COL12A1: variants seen among roughly 807,000 people sequenced by gnomAD.
COL12A1 encodes the protein collagen alpha-1(XII) chain.
Under a neutral mutation model 349.7 loss-of-function variants are expected in COL12A1, and 114 were observed. The ratio of observed to expected loss-of-function variants is 0.33; its 90% CI spans 0.28 to 0.38. COL12A1 has a LOEUF of 0.38. COL12A1 is among the 10% of genes least tolerant of loss of function. The probability of loss-of-function intolerance (pLI) is 1.00; values close to 1 mark genes in which losing one functional copy is unlikely to be tolerated. For missense variants in COL12A1, 3,284 were observed against 3,756.9 expected (o/e 0.87, Z 3.29); for synonymous variants, 1,369 against 1,329.0 (o/e 1.03, Z -0.66).
At chr6:75,172,084 T>C (rs1268387154) in intron 13 of COL12A1, among the ~76,000 whole-genome samples, 1 of 152,246 alleles carries the variant, frequency 6.6e-6, no homozygotes, top group Non-Finnish European at 1.5e-5. Flanking sequence ...TTAAAATTTA[T>C]TTTACTAGCT....
intron 29 of COL12A1, 21 bp downstream of exon 29, chr6:75,138,427 A>G (rs751116742): frequency 1.5e-4 from 244 of 1,609,980 alleles, no homozygotes; most frequent in Non-Finnish European, 1.9e-4. Context: ...TCAATGTCCT[A>G]TTTGAAAGCT....
intron 49 of COL12A1, 98 bp from the exon 50 acceptor site, chr6:75,113,842 T>C (rs913878831): frequency 3.2e-6 from 3 of 937,024 alleles, no homozygotes; most frequent in African/African-American, 1.7e-5. Context: ...AGATACTCTT[T>C]TAAATCTTTG....
At chr6:75,171,000 C>T (rs1768603702) in intron 13 of COL12A1, among the ~76,000 whole-genome samples, 1 of 152,304 alleles carries the variant, frequency 6.6e-6, no homozygotes, top group South Asian at 2.1e-4. Context: ...AAAAATTTAA[C>T]AAGAAAACAT....
chr6:75,199,809 G>C (rs1292768136), intron 2 of COL12A1, among the ~76,000 whole-genome samples: 2 of 151,986 alleles, frequency 1.3e-5, no homozygotes, highest in African/African-American at 2.4e-5. Flanking sequence ...AGATAACATA[G>C]TATGAAAAAT....
chr6:75,126,492 C>A, intron 38 of COL12A1, 22 bp from the exon 39 acceptor site: 3 of 1,602,962 alleles, frequency 1.9e-6, no homozygotes, highest in East Asian at 4.5e-5. Context: ...CATTGACACA[C>A]ATTACTGACC....
Position 75,109,000 on chromosome 6 carries a change from T to G in COL12A1, c.8100+18A>C. ...TCTTAACACAAGGTACCAAGAGAAA[T>G]AAAAATGTGTTACTCACTGCGGCTG... On this transcript the variant is annotated intron_variant, in intron 52 of 65. Transcript: ENST00000322507. 6.2e-7 allele frequency: 1 copy of G among 1,602,230 alleles called. No individual in the cohort carries two copies.
chr6:75,101,236 A>G (rs1350164948), intron 58 of COL12A1, among the ~76,000 whole-genome samples: 1 of 152,230 alleles, frequency 6.6e-6, no homozygotes, highest in Non-Finnish European at 1.5e-5. Context: ...CCTCATGGTT[A>G]CAGAAAAGCT....
At chr6:75,107,171 C>T (rs561362934) in intron 52 of COL12A1, among the ~76,000 whole-genome samples, 4 of 151,926 alleles carry the variant, frequency 2.6e-5, no homozygotes, top group African/African-American at 7.3e-5. Context: ...GGACTACAGG[C>T]GTGAGCCATG....
At chr6:75,186,935 T>C (rs1769655213) in intron 8 of COL12A1, among the ~76,000 whole-genome samples, 1 of 151,508 alleles carries the variant, frequency 6.6e-6, no homozygotes, top group Non-Finnish European at 1.5e-5. Context: ...TATGGAGACA[T>C]AGAGGGAAAC....
At chr6:75,173,195 T>C (rs1186337269) in intron 13 of COL12A1, among the ~76,000 whole-genome samples, 3 of 152,180 alleles carry the variant, frequency 2.0e-5, no homozygotes, top group African/African-American at 7.2e-5. Context: ...CCCTTCTTTA[T>C]AGATGAATAA....
intron 43 of COL12A1, among the ~76,000 whole-genome samples, chr6:75,122,324 G>A (rs1765779886): frequency 6.6e-6 from 1 of 152,112 alleles, no homozygotes; most frequent in Non-Finnish European, 1.5e-5. Context: ...GCAAACTGTG[G>A]ACTTTGGGTG....
rs1064796670 is a variant in COL12A1 at position 75,177,921 on chromosome 6, G to C, written c.2179C>G (p.Arg727Gly). The part of the protein sequence containing the change: ...ETTEEVKGAP[R>G]NLKVTDETTD... ...GTCTCATCTGTCACCTTTAGGTTTC[G>C]AGGTGCTCCTTTTACTGAAATAAAA... is the stretch of plus-strand genomic sequence containing the variant. The change falls in exon 12 of 66, where the codon CGA (arginine) becomes GGA (glycine). Residue 727 changes from arginine (R) to glycine (G), a missense_variant. Arg to Gly is a moderately radical substitution (Grantham distance 125). Around this residue, in one of 2 missense-constraint regions of COL12A1, gnomAD observed 2,601 missense variants for 2,824.8 expected, o/e 0.92. Transcript: ENST00000322507. 1 of 1,604,554 alleles carries C rather than the reference G, an allele frequency of 6.2e-7. No individual in the cohort carries two copies. The highest frequency in any genetic ancestry group is 2.2e-5 in the East Asian group (1 of 44,712).
chr6:75,109,556 T>C lies in COL12A1; in HGVS notation c.7951-389A>G, dbSNP rs963578543. Among the ~76,000 whole-genome samples, 5 of 152,282 alleles carry C rather than the reference T, an allele frequency of 3.3e-5. No individual in the cohort carries two copies. The East Asian group carries it at 5.8e-4, about 18-fold the overall frequency. On this transcript the variant is annotated intron_variant, in intron 51 of 65. Coordinates refer to ENST00000322507, the MANE Select transcript of COL12A1 (RefSeq NM_004370.6). ...ATATTCACTACAAAGAAATTTCAGA[T>C]GTCTTCCACTAATTTTACTAAATTC...
chr6:75,151,073 CAAA>C, intron 21 of COL12A1, 65 bp downstream of exon 21: 1 of 714,238 alleles, frequency 1.4e-6, no homozygotes, highest in Non-Finnish European at 2.1e-6. Context: ...CCCCCCCACC[CAAA>C]AGAATAATTA....
rs189755884 is a variant in COL12A1 at position 75,156,550 on chromosome 6, G to A, written c.2984-27C>T. ...TGGGAGATAAAAGGAAGATTAAACTGTATACCATGTTGAAAAAAAATGTAT... is the reference window on the plus strand; with the variant it reads ...TGGGAGATAAAAGGAAGATTAAACTATATACCATGTTGAAAAAAAATGTAT... On this transcript the variant is annotated intron_variant, in intron 14 of 65. Transcript: ENST00000322507. 4.5e-4 allele frequency: 725 copies of A among 1,602,658 alleles called. 5 individuals are homozygous for A. The Middle Eastern group carries it at 0.011, about 25-fold the overall frequency.
intron 44 of COL12A1, 118 bp downstream of exon 44, chr6:75,121,184 G>T: frequency 3.3e-6 from 3 of 898,710 alleles, no homozygotes; most frequent in Non-Finnish European, 3.1e-6. Flanking sequence ...AAAAGAAATA[G>T]CAAATAGGAG....
chr6:75,126,655 T>C (rs904974888), intron 38 of COL12A1, among the ~76,000 whole-genome samples, 185 bp from the exon 39 acceptor site: 3 of 152,086 alleles, frequency 2.0e-5, no homozygotes, highest in African/African-American at 7.2e-5. Flanking sequence ...TTTCCAAATT[T>C]AAACAGCAAC....
At chr6:75,164,299 G>C (rs1346327287) in intron 14 of COL12A1, among the ~76,000 whole-genome samples, 1 of 152,092 alleles carries the variant, frequency 6.6e-6, no homozygotes, top group Non-Finnish European at 1.5e-5. Flanking sequence ...TAGACACAAA[G>C]ATTTTAGTTT....
chr6:75,156,200 G>A, intron 15 of COL12A1, 57 bp downstream of exon 15: 6 of 1,585,292 alleles, frequency 3.8e-6, no homozygotes, highest in South Asian at 1.2e-5. Flanking sequence ...ACATACCAAA[G>A]TCATCTTTTA....
Sources: gnomAD v4.1 joint callset for allele counts (sites outside exome capture counted in the v4.1 genomes callset) on GRCh38, gnomAD v4.1.1 for gene constraint, gnomAD v4.1.1 regional missense constraint, MANE v1.5 for transcripts, NCBI Gene and HGNC (gene_info 2026-07-23, HGNC 2026-07-21) for gene names.